The following FRZB variants were observed in gnomAD, a reference collection of about 807,000 sequenced individuals.
FRZB encodes frizzled related protein.
A neutral mutation model predicts 32.5 loss-of-function variants in FRZB; 34 were observed. That is an observed-to-expected ratio of 1.05 (90% CI 0.80 to 1.39). The LOEUF (loss-of-function observed/expected upper bound fraction) is 1.39. Among genes scored for constraint, FRZB ranks in the 40% most tolerant of loss-of-function variants. FRZB has a pLI of 0.00. For missense variants in FRZB, 423 were observed against 424.8 expected, an observed-to-expected ratio of 1.00 and a Z score of 0.04; for synonymous variants, 170 against 159.2, an observed-to-expected ratio of 1.07 and a Z score of -0.51.
intron 1 of FRZB, among the ~76,000 whole-genome samples, chr2:182,864,751 C>T (rs944325371): frequency 1.3e-5 from 2 of 152,060 alleles, no homozygotes; most frequent in African/African-American, 2.4e-5. Context: ...AGAATTACTA[C>T]CTGGAAATGG....
chr2:182,860,215 T>G (rs1695815911), intron 1 of FRZB, among the ~76,000 whole-genome samples: 1 of 152,212 alleles, frequency 6.6e-6, no homozygotes, highest in Non-Finnish European at 1.5e-5. Flanking sequence ...AGAAGTCAAT[T>G]GTTAGAACTG....
chr2:182,850,917 A>G (rs1695703274), intron 2 of FRZB, among the ~76,000 whole-genome samples: 1 of 152,144 alleles, frequency 6.6e-6, no homozygotes, highest in African/African-American at 2.4e-5. Context: ...AAAGCCATTC[A>G]AACTGGGGTG....
At chr2:182,838,375 A>C in intron 4 of FRZB, 34 bp downstream of exon 4, 1 of 1,529,558 alleles carries the variant, frequency 6.5e-7, no homozygotes, top group Non-Finnish European at 9.1e-7. Flanking sequence ...GGATAAGCAA[A>C]GTAGTTATTC....
intron 2 of FRZB, among the ~76,000 whole-genome samples, chr2:182,849,855 T>C (rs1032835464): frequency 2.0e-5 from 3 of 152,224 alleles, no homozygotes; most frequent in African/African-American, 7.2e-5. Context: ...ATCCAAAATA[T>C]AGAAAGAGTC....
intron 1 of FRZB, among the ~76,000 whole-genome samples, chr2:182,860,273 T>C (rs1695816451): frequency 6.6e-6 from 1 of 152,174 alleles, no homozygotes; most frequent in South Asian, 2.1e-4. Flanking sequence ...AAAATTATTG[T>C]CAGAAAGTTA....
At chr2:182,846,345 A>T (rs1255164573) in intron 2 of FRZB, among the ~76,000 whole-genome samples, 2 of 152,194 alleles carry the variant, frequency 1.3e-5, no homozygotes, top group African/African-American at 4.8e-5. Flanking sequence ...TAAGACTATA[A>T]TTAACTTCAT....
chr2:182,856,897 A>C (rs1372392842), intron 2 of FRZB, among the ~76,000 whole-genome samples: 2 of 152,202 alleles, frequency 1.3e-5, no homozygotes, highest in Non-Finnish European at 2.9e-5. Context: ...GGTAATCAAT[A>C]GATCTAGTAG....
At chr2:182,842,021 C>T (rs1473689334) in intron 3 of FRZB, among the ~76,000 whole-genome samples, 2 of 152,164 alleles carry the variant, frequency 1.3e-5, no homozygotes, top group African/African-American at 4.8e-5. Flanking sequence ...GTGTTACTTT[C>T]CAAATCTGTC....
At chr2:182,837,922 A>G in intron 5 of FRZB, 26 bp downstream of exon 5, 1 of 1,584,012 alleles carries the variant, frequency 6.3e-7, no homozygotes, top group Non-Finnish European at 8.7e-7. Flanking sequence ...TCTGTGTATT[A>G]CTTCAAACAT....
intron 2 of FRZB, among the ~76,000 whole-genome samples, chr2:182,849,793 T>C (rs1247626706): frequency 6.6e-6 from 1 of 152,208 alleles, no homozygotes; most frequent in Non-Finnish European, 1.5e-5. Context: ...TTTGGAAAAT[T>C]TCAAATAAAC....
chr2:182,854,417 G>A lies in FRZB; in HGVS notation c.526+4369C>T, dbSNP rs1457503918. ...ACAAGCATAACAGGAAGACTGGGGGGAGAAAATAATACCATAAAACTATAG... is the reference window on the plus strand; with the variant it reads ...ACAAGCATAACAGGAAGACTGGGGGAAGAAAATAATACCATAAAACTATAG... On this transcript the variant is annotated intron_variant, in intron 2 of 5. Coordinates refer to ENST00000295113, the MANE Select transcript of FRZB (RefSeq NM_001463.4). Among the ~76,000 whole-genome samples, 6 of 152,142 alleles carry A rather than the reference G, an allele frequency of 3.9e-5. No homozygotes were observed. In the South Asian group the frequency reaches 1.0e-3, roughly 26 times the overall value.
chr2:182,849,992 G>GC (rs1228635609), intron 2 of FRZB, among the ~76,000 whole-genome samples: 1 of 152,132 alleles, frequency 6.6e-6, no homozygotes, highest in Non-Finnish European at 1.5e-5. Context: ...TCCACTCAAT[G>GC]CCAAGTATTG....
chr2:182,834,789 C>A lies in FRZB; in HGVS notation c.*60G>T. The A allele has an allele frequency of 4.2e-6, 5 of 1,177,730 alleles. No homozygotes were observed. The highest frequency in any genetic ancestry group is 6.4e-6 in the Non-Finnish European group (5 of 782,738). The allele number at this position is 1,177,730 out of a possible 1,614,324, so 73.0% of individuals were successfully genotyped here. A position where few individuals can be genotyped will look rare whatever the true frequency, so the allele number is the denominator to read the frequency against. On this transcript the variant is annotated 3_prime_UTR_variant, in exon 6 of 6. Transcript: ENST00000295113. ...AATAGTGCAATTTTCCTTTGCTAGT[C>A]CAGCAATGCAAGTAAGTCTTAATAG...
At chr2:182,852,011 G>C (rs906899860) in intron 2 of FRZB, among the ~76,000 whole-genome samples, 1 of 151,966 alleles carries the variant, frequency 6.6e-6, no homozygotes, top group Non-Finnish European at 1.5e-5. Context: ...CAAAGTAATG[G>C]GGAAAAAAAA....
In FRZB at chr2:182,842,561, G is replaced by A; in HGVS notation, c.527-18C>T. 2 of 1,588,956 alleles carry A rather than the reference G, an allele frequency of 1.3e-6. No homozygotes were observed. The highest frequency in any genetic ancestry group is 8.6e-7 in the Non-Finnish European group (1 of 1,157,950). Reference sequence around the variant, plus strand: ...ACAGCGTTCTGAAAAACACATTTTAGTTATAAGCACATTTCCAATATTAGC... The same window carrying A: ...ACAGCGTTCTGAAAAACACATTTTAATTATAAGCACATTTCCAATATTAGC... On this transcript the variant is annotated intron_variant, in intron 2 of 5. Coordinates refer to ENST00000295113, the MANE Select transcript of FRZB (RefSeq NM_001463.4).
In FRZB at chr2:182,853,588, T is replaced by C. The variant is rs150587045; in HGVS notation, c.526+5198A>G. Among the ~76,000 whole-genome samples the C allele has an allele frequency of 6.9e-3, 1,051 of 152,358 alleles. 5 individuals carry two copies. The highest frequency in any genetic ancestry group is 0.027 in the Middle Eastern group (8 of 294). ...TTCTAAAATAATTTTAATTTACTTA[T>C]GTATTTAATGGGATAAATATTTGTT... is the stretch of plus-strand genomic sequence containing the variant. On this transcript the variant is annotated intron_variant, in intron 2 of 5. Transcript: ENST00000295113.
intron 3 of FRZB, among the ~76,000 whole-genome samples, chr2:182,841,133 A>G (rs1234433982): frequency 1.3e-5 from 2 of 152,102 alleles, no homozygotes; most frequent in Non-Finnish European, 2.9e-5. Flanking sequence ...TCTTACATAA[A>G]CATAAGCTTA....
intron 1 of FRZB, among the ~76,000 whole-genome samples, chr2:182,864,142 T>G (rs1477586559): frequency 2.0e-5 from 3 of 152,236 alleles, no homozygotes; most frequent in Admixed American, 1.3e-4. Context: ...AGGCAACTGT[T>G]TCCATGTTTG....
chr2:182,844,039 C>G (rs1331079744), intron 2 of FRZB, among the ~76,000 whole-genome samples: 6 of 152,104 alleles, frequency 3.9e-5, no homozygotes, highest in Non-Finnish European at 1.5e-5. Flanking sequence ...TCCAGTTGAA[C>G]TTGTCAATAA....
Sources: gnomAD v4.1 joint callset for allele counts (sites outside exome capture counted in the v4.1 genomes callset) on GRCh38, gnomAD v4.1.1 for gene constraint, MANE v1.5 for transcripts, NCBI Gene and HGNC (gene_info 2026-07-23, HGNC 2026-07-21) for gene names.